The following NGEF variants were observed in gnomAD, a reference collection of about 807,000 sequenced individuals.
NGEF encodes ephexin-1.
Under a neutral mutation model 80.9 loss-of-function variants are expected in NGEF, and 31 were observed. That is an observed-to-expected ratio of 0.38 (90% CI 0.29 to 0.52). The LOEUF (loss-of-function observed/expected upper bound fraction) is 0.52, where lower values mean the gene tolerates loss of function less well. NGEF is among the 20% of genes least tolerant of loss of function. The pLI, the probability that NGEF is intolerant of heterozygous loss-of-function variation, is 0.84. For missense variants in NGEF, 709 were observed against 926.2 expected (o/e 0.77, Z 3.04); for synonymous variants, 371 against 370.2 (o/e 1.00, Z -0.03).
chr2:232,899,987 C>T (rs1692247463), intron 5 of NGEF, among the ~76,000 whole-genome samples: 1 of 110,358 alleles, frequency 9.1e-6, no homozygotes, highest in Non-Finnish European at 1.9e-5. Flanking sequence ...TTCACTCATT[C>T]ACTCACACAC....
At chr2:232,882,951 A>AG (rs1691555747) in intron 12 of NGEF, among the ~76,000 whole-genome samples, 2 of 152,112 alleles carry the variant, frequency 1.3e-5, no homozygotes, top group African/African-American at 4.8e-5. Context: ...AAGTGGCAGC[A>AG]GGGAGCAGGA....
intron 3 of NGEF, among the ~76,000 whole-genome samples, chr2:232,938,698 A>T (rs1574624096): frequency 7.5e-6 from 1 of 134,162 alleles, no homozygotes; most frequent in African/African-American, 2.8e-5. Flanking sequence ...TGAGCCCAGG[A>T]GTTCGAGAGC....
chr2:232,908,743 G>GT (rs1275654426), intron 5 of NGEF, among the ~76,000 whole-genome samples: 1 of 150,526 alleles, frequency 6.6e-6, no homozygotes, highest in Non-Finnish European at 1.5e-5. Flanking sequence ...TGTTTTTTTG[G>GT]TTTTTTGTTT....
In NGEF at chr2:232,907,558, A is replaced by G. The variant is rs1439854028; in HGVS notation, c.829-12642T>C. Among the ~76,000 whole-genome samples the G allele has an allele frequency of 2.0e-5, 3 of 152,364 alleles. No homozygotes were observed. The East Asian group carries it at 5.8e-4, about 29-fold the overall frequency. On this transcript the variant is annotated intron_variant, in intron 5 of 14. Coordinates refer to ENST00000264051, the MANE Select transcript of NGEF (RefSeq NM_019850.3). ...AGACGATAAAAAATCAGAGTGACACACTGAAGCCTGCGTGCTCACATTATT... is the reference window on the plus strand; with the variant it reads ...AGACGATAAAAAATCAGAGTGACACGCTGAAGCCTGCGTGCTCACATTATT...
intron 5 of NGEF, among the ~76,000 whole-genome samples, chr2:232,915,278 T>A (rs2106270604): frequency 6.6e-6 from 1 of 152,086 alleles, no homozygotes; most frequent in Admixed American, 6.5e-5. Flanking sequence ...TTTCTAATCA[T>A]TCATCTTATC....
At chr2:232,888,246 G>T in intron 8 of NGEF, 139 bp from the exon 9 acceptor site, 1 of 580,086 alleles carries the variant, frequency 1.7e-6, no homozygotes, top group South Asian at 2.0e-5. Flanking sequence ...ACGCACGCAC[G>T]CACACGCATA....
At chr2:233,010,216 G>T (rs1176647393) in intron 1 of NGEF, among the ~76,000 whole-genome samples, 1 of 151,784 alleles carries the variant, frequency 6.6e-6, no homozygotes, top group Non-Finnish European at 1.5e-5. Flanking sequence ...CAGACCTCAT[G>T]CCTCCCCTGT....
intron 1 of NGEF, among the ~76,000 whole-genome samples, chr2:233,007,339 A>G (rs10169752): frequency 0.61 from 93,116 of 152,128 alleles, 29,497 homozygotes; most frequent in African/African-American, 0.65. Flanking sequence ...TGGAGGGGGA[A>G]CAAAGGTAGA....
intron 5 of NGEF, among the ~76,000 whole-genome samples, chr2:232,901,815 G>A (rs1039752890): frequency 6.6e-6 from 1 of 152,232 alleles, no homozygotes; most frequent in Admixed American, 6.5e-5. Context: ...AAGGGTCTAA[G>A]GCGTCCTTCC....
intron 9 of NGEF, among the ~76,000 whole-genome samples, chr2:232,886,163 T>C (rs1412672031): frequency 6.6e-6 from 1 of 151,924 alleles, no homozygotes; most frequent in Non-Finnish European, 1.5e-5. Flanking sequence ...GTGCGGTGTG[T>C]ACTGTGTGTG....
intron 1 of NGEF, among the ~76,000 whole-genome samples, chr2:232,996,089 T>C (rs893000708): frequency 2.0e-5 from 3 of 152,068 alleles, no homozygotes; most frequent in African/African-American, 7.2e-5. Flanking sequence ...AATGTGTCAG[T>C]GACTCATTCT....
In NGEF at chr2:232,881,253, G is replaced by A; in HGVS notation, c.1838-3C>T. On this transcript the variant is annotated splice_region_variant and splice_polypyrimidine_tract_variant and intron_variant, in intron 13 of 14. Transcript: ENST00000264051. ...CACGCACTGGACCTGGGGGCAGTCT[G>A]AGGGACAAGAGGCACGGGCACATCC... 1 of 1,604,430 alleles carries A rather than the reference G, an allele frequency of 6.2e-7. No individual in the cohort carries two copies. Among genetic ancestry groups the A allele is most frequent in the Non-Finnish European group, 8.5e-7 (1 of 1,179,154 alleles).
At chr2:232,921,896 C>T (rs940744413) in intron 4 of NGEF, among the ~76,000 whole-genome samples, 16 of 152,102 alleles carry the variant, frequency 1.1e-4, no homozygotes, top group Admixed American at 5.2e-4. Context: ...GTGCCTGATT[C>T]GGGGACAGTT....
intron 2 of NGEF, among the ~76,000 whole-genome samples, chr2:232,973,586 A>G (rs10933422): frequency 0.59 from 89,662 of 152,088 alleles, 27,631 homozygotes; most frequent in African/African-American, 0.73. Flanking sequence ...CGACTGCCAT[A>G]TGCATAAGCC....
chr2:233,008,115 G>T (rs954291594), intron 1 of NGEF, among the ~76,000 whole-genome samples: 1 of 152,106 alleles, frequency 6.6e-6, no homozygotes, highest in Non-Finnish European at 1.5e-5. Context: ...CATATGTGAG[G>T]GTTCTAAAAA....
At chr2:232,932,158 C>A (rs1693226477) in intron 3 of NGEF, among the ~76,000 whole-genome samples, 1 of 118,764 alleles carries the variant, frequency 8.4e-6, no homozygotes, top group South Asian at 2.7e-4. Context: ...TCCAGAATCA[C>A]CTTTCTTTTT....
intron 3 of NGEF, among the ~76,000 whole-genome samples, chr2:232,969,808 C>T (rs867984161): frequency 7.3e-4 from 111 of 152,136 alleles, no homozygotes; most frequent in Middle Eastern, 3.4e-3. Flanking sequence ...GCCACCACGC[C>T]GGCTGTGATT....
chr2:232,899,794 A>ACACACACACACG (rs1692229902), intron 5 of NGEF, among the ~76,000 whole-genome samples: 2 of 85,064 alleles, frequency 2.4e-5, no homozygotes, highest in Non-Finnish European at 4.8e-5. Context: ...ACTCACATTC[A>ACACACACACACG]CTCACACACA....
intron 1 of NGEF, chr2:233,012,863 G>C (rs1480380424): frequency 2.1e-6 from 1 of 471,072 alleles, no homozygotes; most frequent in South Asian, 1.5e-5. Context: ...TGGTGAAACT[G>C]AGTGCCAGGA....
Sources: gnomAD v4.1 joint callset for allele counts (sites outside exome capture counted in the v4.1 genomes callset) on GRCh38, gnomAD v4.1.1 for gene constraint, MANE v1.5 for transcripts, NCBI Gene and HGNC (gene_info 2026-07-23, HGNC 2026-07-21) for gene names.